Variants in TTYH1 observed in about 807,000 individuals in gnomAD.
TTYH1 encodes tweety family member 1.
TTYH1 carries 33 observed loss-of-function variants against 61.2 expected under a neutral mutation model. The observed-to-expected ratio is 0.54, with a 90% CI of 0.41 to 0.72. The LOEUF is 0.72. Among genes scored for constraint, TTYH1 ranks in the 30% least tolerant of loss-of-function variants. The pLI, the probability that TTYH1 is intolerant of heterozygous loss-of-function variation, is 0.00. For missense variants in TTYH1, 538 were observed against 575.8 expected (o/e 0.93, Z 0.67); for synonymous variants, 308 against 266.4 (o/e 1.16, Z -1.52).
At position 54,435,666 on chromosome 19, in the gene TTYH1, G is replaced by C. The variant is rs766528483; in HGVS notation, c.1250G>C (p.Trp417Ser). 47 of 1,610,268 alleles carry C rather than the reference G, an allele frequency of 2.9e-5. No individual in the cohort carries two copies. The highest frequency in any genetic ancestry group is 3.3e-4 in the Middle Eastern group (2 of 6,034). Residue 417 changes from tryptophan (W) to serine (S), a missense_variant, in exon 11 of 14, where the codon TGG (tryptophan) becomes TCG (serine). Trp to Ser is a radical substitution (Grantham distance 177). Coordinates refer to ENST00000376530, the MANE Select transcript of TTYH1 (RefSeq NM_020659.4). ...ATALCSLPRA[W>S]ALFPPSDDYD... ...GCCCTCTGCAGCCTGCCCCGAGCCTGGGCCCTCTTCCCACCCAGGTCAGGA... is the reference window on the plus strand; with the variant it reads ...GCCCTCTGCAGCCTGCCCCGAGCCTCGGCCCTCTTCCCACCCAGGTCAGGA...
At chr19:54,435,786 T>C (rs772860792) in intron 11 of TTYH1, 42 bp from the exon 12 acceptor site, 3 of 1,612,970 alleles carry the variant, frequency 1.9e-6, no homozygotes, top group Non-Finnish European at 2.5e-6. Context: ...TCCTGATGGG[T>C]CCCCATCCCG....
At chr19:54,425,465 G>A (rs2083304898) in intron 4 of TTYH1, among the ~76,000 whole-genome samples, 1 of 152,146 alleles carries the variant, frequency 6.6e-6, no homozygotes, top group Non-Finnish European at 1.5e-5. Context: ...TAGATGATTG[G>A]CTATTTCTTT....
chr19:54,430,087 C>A, intron 7 of TTYH1, 130 bp downstream of exon 7: 1 of 785,576 alleles, frequency 1.3e-6, no homozygotes, highest in Non-Finnish European at 2.0e-6. Flanking sequence ...ACCCAGCCCT[C>A]TGGAAGGGAA....
Position 54,416,636 on chromosome 19 carries a change from C to T in TTYH1, c.126+958C>T, listed in dbSNP as rs2083083033. 5.6e-6 allele frequency: 4 copies of T among 715,416 alleles called. No individual in the cohort carries two copies. The highest frequency in any genetic ancestry group is 3.0e-5 in the Admixed American group (1 of 33,468). The allele number at this position is 715,416 out of a possible 1,614,324, so 44.3% of individuals were successfully genotyped here. ...GGCTGGGATTGGAGAGCTCAGGGGG[C>T]GTGGAGGGGGTCCCAGAAAAGCGCG... On this transcript the variant is annotated intron_variant, in intron 1 of 13. Transcript: ENST00000376530. The surrounding 1 kb of genome is among the most constrained non-coding windows in gnomAD (Gnocchi z 7.0).
chr19:54,415,527 C>T lies in TTYH1; in HGVS notation c.-26C>T, dbSNP rs1026348843. On this transcript the variant is annotated 5_prime_UTR_variant, in exon 1 of 14. Transcript: ENST00000376530. This position sits in a 1 kb window ranked among gnomAD's most constrained non-coding sequence, Gnocchi z 5.2. The stretch of plus-strand genomic sequence containing the variant: ...GAGGCTCCCGCAGCCCCGGCGTCCG[C>T]CCCGCTGCCCCCTCCCCCGGGGGCC... The T allele has an allele frequency of 7.1e-7, 1 of 1,406,558 alleles. No homozygotes were observed. The highest frequency in any genetic ancestry group is 3.2e-5 in the Admixed American group (1 of 31,314). The allele number at this position is 1,406,558 out of a possible 1,614,324, so 87.1% of individuals were successfully genotyped here.
intron 10 of TTYH1, 61 bp downstream of exon 10, chr19:54,431,252 A>G: frequency 8.6e-7 from 1 of 1,162,972 alleles, no homozygotes; most frequent in Non-Finnish European, 1.3e-6. Context: ...GACCCACAGA[A>G]CTACCTCCTC....
rs2083395553 is a variant in TTYH1, at chr19:54,429,675, T to G, written c.808-207T>G. Among the ~76,000 whole-genome samples, 1 of 148,118 alleles carries G rather than the reference T, an allele frequency of 6.8e-6. No individual in the cohort carries two copies. Among genetic ancestry groups the G allele is most frequent in the Non-Finnish European group, 1.5e-5 (1 of 66,910 alleles). On this transcript the variant is annotated intron_variant, in intron 6 of 13. Transcript: ENST00000376530. This position sits in a 1 kb window ranked among gnomAD's most constrained non-coding sequence, Gnocchi z 5.1. ...GAAGCTGGGGGCCTGGACTCCTGAG[T>G]CTGAGGGAGAAAGGGCTGGAGAGTC...
chr19:54,433,072 C>G (rs1465894991), intron 10 of TTYH1: 1 of 152,270 alleles, frequency 6.6e-6, no homozygotes, highest in East Asian at 1.9e-4. Context: ...TAAGGATAAA[C>G]TGGGGTTCAG....
At position 54,429,915 on chromosome 19, in the gene TTYH1, T is replaced by TGGTC; in HGVS notation, c.841_842insGGTC (p.Tyr281TrpfsTer145). ...TGACTTCTGCTCCAATCCAGACCCTTATGTTCTGAACCTGACCCAGGAGGA... is the reference window on the plus strand; with the variant it reads ...TGACTTCTGCTCCAATCCAGACCCTTGGTCATGTTCTGAACCTGACCCAGGAGGA... On this transcript the variant is annotated frameshift_variant, in exon 7 of 14. Coordinates refer to ENST00000376530, the MANE Select transcript of TTYH1 (RefSeq NM_020659.4). LOFTEE classifies it high-confidence loss of function. This position sits in a 1 kb window ranked among gnomAD's most constrained non-coding sequence, Gnocchi z 5.1. The TGGTC allele has an allele frequency of 6.2e-7, 1 of 1,613,978 alleles. No individual in the cohort carries two copies. The highest frequency in any genetic ancestry group is 8.5e-7 in the Non-Finnish European group (1 of 1,179,888).
chr19:54,431,250 G>A, intron 10 of TTYH1, 59 bp downstream of exon 10: 1 of 1,185,510 alleles, frequency 8.4e-7, no homozygotes. Flanking sequence ...TCGACCCACA[G>A]AACTACCTCC....
chr19:54,422,653 C>T (rs1006009164), intron 4 of TTYH1, among the ~76,000 whole-genome samples: 1 of 152,030 alleles, frequency 6.6e-6, no homozygotes, highest in Non-Finnish European at 1.5e-5. Context: ...GCTGGCCAGG[C>T]GCGGTGGCTC....
chr19:54,416,537 C>G lies in TTYH1; in HGVS notation c.126+859C>G, dbSNP rs1033339720. ...GGGTGCTGGGAGTCCCGATGTGGCC[C>G]CAGGACGGGTCCTGGCCCTGCTGAT... On this transcript the variant is annotated intron_variant, in intron 1 of 13. Transcript: ENST00000376530. This position sits in a 1 kb window ranked among gnomAD's most constrained non-coding sequence, Gnocchi z 7.0. The G allele has an allele frequency of 6.2e-6, 2 of 322,882 alleles. No individual in the cohort carries two copies. Among genetic ancestry groups the G allele is most frequent in the Admixed American group, 4.6e-5 (1 of 21,962 alleles). The allele number at this position is 322,882 out of a possible 1,614,324, so 20.0% of individuals were successfully genotyped here. A position where few individuals can be genotyped will look rare whatever the true frequency, so the allele number is the denominator to read the frequency against.
rs747235241 is a variant in TTYH1 at position 54,421,274 on chromosome 19, C to T, written c.306-3C>T. The T allele has an allele frequency of 5.6e-6, 9 of 1,606,402 alleles. No individual in the cohort carries two copies. The African/African-American group carries it at 1.2e-4, about 21-fold the overall frequency. On this transcript the variant is annotated splice_region_variant and splice_polypyrimidine_tract_variant and intron_variant, in intron 2 of 13. Coordinates refer to ENST00000376530, the MANE Select transcript of TTYH1 (RefSeq NM_020659.4). The surrounding 1 kb of genome is among the most constrained non-coding windows in gnomAD (Gnocchi z 4.8). ...AGATTCCTCTCCCTCCTCCTCCGCT[C>T]AGCACTGGCATTGGCATCGGTTTCT... is the stretch of plus-strand genomic sequence containing the variant.
chr19:54,424,160 T>TA (rs749144637), intron 4 of TTYH1, among the ~76,000 whole-genome samples: 1,809 of 139,028 alleles, frequency 0.013, 16 homozygotes, highest in Non-Finnish European at 0.019. Flanking sequence ...GAATCCGTCT[T>TA]AAAAAAAAAA....
In TTYH1 at chr19:54,422,336, G is replaced by C. The variant is rs1275700041; in HGVS notation, c.564G>C (p.Gly188=). 6.4e-7 allele frequency: 1 copy of C among 1,570,952 alleles called. No individual in the cohort carries two copies. The highest frequency in any genetic ancestry group is 8.6e-7 in the Non-Finnish European group (1 of 1,159,422). ...AGGCTGCGGCCCAGCAGCTGCAGGG[G>C]CTGGCCTTCTGGCAGGGAGTGCCCC... ...QAEAAAQQLQ[G]LAFWQGVPLS... The change falls in exon 4 of 14, where the codon GGG becomes GGC. Residue 188 remains glycine, a synonymous_variant. Coordinates refer to ENST00000376530, the MANE Select transcript of TTYH1 (RefSeq NM_020659.4).
At chr19:54,430,005 C>T in intron 7 of TTYH1, 48 bp downstream of exon 7, 1 of 1,549,966 alleles carries the variant, frequency 6.5e-7, no homozygotes, top group Non-Finnish European at 8.9e-7. Flanking sequence ...CAGTGCAGGC[C>T]CTGGCTTCCT....
In TTYH1 at chr19:54,419,153, C is replaced by A. The variant is rs994001308; in HGVS notation, c.152C>A (p.Ala51Glu). The A allele has an allele frequency of 1.2e-6, 2 of 1,612,278 alleles. No homozygotes were observed. The highest frequency in any genetic ancestry group is 8.5e-7 in the Non-Finnish European group (1 of 1,179,298). The change falls in exon 2 of 14, where the codon GCG becomes GAG. Residue 51 changes from alanine (A) to glutamate (E), a missense_variant. Transcript: ENST00000376530. The surrounding 1 kb of genome is among the most constrained non-coding windows in gnomAD (Gnocchi z 6.1). ...GCCTTGTTGCTGGTGGCGGCCTTGGCGGGCCTGGGCTTGGGCCTGAGCCTC... is the reference window on the plus strand; with the variant it reads ...GCCTTGTTGCTGGTGGCGGCCTTGGAGGGCCTGGGCTTGGGCCTGAGCCTC... ...QQALLLVAAL[A>E]GLGLGLSLIF...
chr19:54,421,473 G>C lies in TTYH1; in HGVS notation c.417+85G>C. ...AAGGACAAAGGGATCCAAACTCAGA[G>C]CTAAGACCCCAGGCTTGAAGCTTAG... On this transcript the variant is annotated intron_variant, in intron 3 of 13. Coordinates refer to ENST00000376530, the MANE Select transcript of TTYH1 (RefSeq NM_020659.4). This position sits in a 1 kb window ranked among gnomAD's most constrained non-coding sequence, Gnocchi z 4.8. 5.4e-6 allele frequency: 5 copies of C among 919,920 alleles called. No individual in the cohort carries two copies. The highest frequency in any genetic ancestry group is 7.2e-6 in the Non-Finnish European group (4 of 555,916). 57.0% of individuals were successfully genotyped at this position (919,920 alleles called of 1,614,324 possible).
intron 4 of TTYH1, among the ~76,000 whole-genome samples, chr19:54,424,439 G>T (rs1053699704): frequency 6.6e-6 from 1 of 152,232 alleles, no homozygotes; most frequent in African/African-American, 2.4e-5. Flanking sequence ...GCGCTCCAGC[G>T]GGGAAGGCCG....
Sources: gnomAD v4.1 joint callset for allele counts (sites outside exome capture counted in the v4.1 genomes callset) on GRCh38, gnomAD v4.1.1 for gene constraint, Gnocchi (gnomAD v3.1) non-coding constraint, MANE v1.5 for transcripts, NCBI Gene and HGNC (gene_info 2026-07-23, HGNC 2026-07-21) for gene names.